The following NLGN1 variants were observed in gnomAD, a reference collection of about 807,000 sequenced individuals.
The protein encoded by NLGN1 is neuroligin-1.
A neutral mutation model predicts 65.5 loss-of-function variants in NLGN1; 12 were observed. The ratio of observed to expected loss-of-function variants is 0.18; its 90% CI spans 0.12 to 0.30. The LOEUF (loss-of-function observed/expected upper bound fraction) is 0.30, where lower values mean the gene tolerates loss of function less well. Ranked by LOEUF, NLGN1 falls within the 10% of genes least tolerant of loss-of-function variation. The pLI, the probability that NLGN1 is intolerant of heterozygous loss-of-function variation, is 1.00. For missense variants in NLGN1, 750 were observed against 1,007.1 expected (o/e 0.74, Z 3.46); for synonymous variants, 350 against 359.5 (o/e 0.97, Z 0.30).
At chr3:173,948,321 T>C (rs1045677866) in intron 4 of NLGN1, among the ~76,000 whole-genome samples, 2 of 152,234 alleles carry the variant, frequency 1.3e-5, no homozygotes, top group African/African-American at 4.8e-5. Flanking sequence ...ACAAGGCATG[T>C]AACTAAGCTG....
chr3:174,077,979 G>C (rs890072718), intron 4 of NLGN1, among the ~76,000 whole-genome samples: 1 of 152,118 alleles, frequency 6.6e-6, no homozygotes, highest in African/African-American at 2.4e-5. Context: ...TTTCCTGGGA[G>C]GTGGGGGAAC....
intron 4 of NLGN1, among the ~76,000 whole-genome samples, chr3:174,263,704 G>C (rs1446561453): frequency 2.0e-5 from 3 of 151,790 alleles, no homozygotes; most frequent in African/African-American, 7.3e-5. Context: ...ATATTGTTAT[G>C]TGTGAATTTG....
chr3:173,857,803 T>C (rs1325709691), intron 4 of NLGN1, among the ~76,000 whole-genome samples: 4 of 131,398 alleles, frequency 3.0e-5, no homozygotes, highest in Non-Finnish European at 4.9e-5. Context: ...TAAAAATTGC[T>C]ACTAGAATGA....
At chr3:173,907,880 C>G (rs768540953) in intron 4 of NLGN1, among the ~76,000 whole-genome samples, 2 of 151,748 alleles carry the variant, frequency 1.3e-5, no homozygotes, top group Admixed American at 1.3e-4. Flanking sequence ...CCACCACCCC[C>G]GGCTAATTTT....
chr3:173,631,334 G>T (rs951053612), intron 3 of NLGN1, among the ~76,000 whole-genome samples: 3 of 151,690 alleles, frequency 2.0e-5, no homozygotes, highest in African/African-American at 7.3e-5. Context: ...CTCTTTAAGG[G>T]TTGACTTTCC....
intron 3 of NLGN1, among the ~76,000 whole-genome samples, chr3:173,743,061 T>G (rs1774885805): frequency 6.6e-6 from 1 of 152,154 alleles, no homozygotes; most frequent in Non-Finnish European, 1.5e-5. Context: ...AATTATTCGC[T>G]TTCCTCAATA....
chr3:173,972,654 A>T (rs148121157), intron 4 of NLGN1, among the ~76,000 whole-genome samples: 108 of 152,196 alleles, frequency 7.1e-4, no homozygotes, highest in African/African-American at 2.5e-3. Context: ...GAGAAATTTG[A>T]CTTGATGAGC....
At chr3:174,139,250 A>G (rs1460046829) in intron 4 of NLGN1, among the ~76,000 whole-genome samples, 1 of 152,096 alleles carries the variant, frequency 6.6e-6, no homozygotes, top group African/African-American at 2.4e-5. Flanking sequence ...CGTCCTAAAA[A>G]TCTGTTGTAT....
intron 2 of NLGN1, among the ~76,000 whole-genome samples, chr3:173,556,242 CT>C (rs1412492629): frequency 5.3e-5 from 8 of 151,944 alleles, no homozygotes; most frequent in Non-Finnish European, 1.2e-4. Flanking sequence ...TTAAAAGAAA[CT>C]TTTGGTTTTG....
intron 3 of NLGN1, among the ~76,000 whole-genome samples, chr3:173,702,603 G>A (rs1767395062): frequency 6.6e-6 from 1 of 152,140 alleles, no homozygotes; most frequent in Non-Finnish European, 1.5e-5. Context: ...ATATGATTTT[G>A]AGCTGTTACT....
At chr3:173,557,019 T>G (rs943120382) in intron 2 of NLGN1, among the ~76,000 whole-genome samples, 2 of 122,938 alleles carry the variant, frequency 1.6e-5, no homozygotes, top group Admixed American at 1.6e-4. Flanking sequence ...ATTCAGATTT[T>G]CTGTAGGCAT....
intron 4 of NLGN1, among the ~76,000 whole-genome samples, chr3:173,980,561 T>G (rs1290568922): frequency 6.6e-6 from 1 of 152,134 alleles, no homozygotes; most frequent in African/African-American, 2.4e-5. Flanking sequence ...TAGTTCTTTC[T>G]TGTTGGATTG....
chr3:173,408,287 A>G (rs950680826), intron 1 of NLGN1, among the ~76,000 whole-genome samples: 2 of 152,090 alleles, frequency 1.3e-5, no homozygotes, highest in African/African-American at 2.4e-5. Context: ...CAGAATGCCT[A>G]TTTGCTTAAG....
At chr3:173,568,394 T>C (rs1335985311) in intron 2 of NLGN1, among the ~76,000 whole-genome samples, 4 of 151,706 alleles carry the variant, frequency 2.6e-5, no homozygotes, top group African/African-American at 7.3e-5. Context: ...CCACCAGGCC[T>C]GGCTAATTTT....
At chr3:173,913,165 G>A (rs1275380232) in intron 4 of NLGN1, among the ~76,000 whole-genome samples, 1 of 152,062 alleles carries the variant, frequency 6.6e-6, no homozygotes, top group Non-Finnish European at 1.5e-5. Context: ...CTGCCTCAAG[G>A]AAAAAACAGA....
intron 3 of NLGN1, among the ~76,000 whole-genome samples, chr3:173,624,463 T>G (rs1453618561): frequency 1.3e-5 from 2 of 152,134 alleles, no homozygotes; most frequent in Non-Finnish European, 2.9e-5. Flanking sequence ...CTGTTTTCCC[T>G]GTTTCCAAGA....
intron 4 of NLGN1, among the ~76,000 whole-genome samples, chr3:173,854,723 T>A (rs1356510196): frequency 6.6e-6 from 1 of 152,020 alleles, no homozygotes; most frequent in African/African-American, 2.4e-5. Context: ...GGGAAAACAG[T>A]ATTGGGGATT....
exon 3 of NLGN1, chr3:173,604,487 G>A (rs11718812): frequency 0.087 from 103,087 of 1,190,020 alleles, 5,301 homozygotes; most frequent in South Asian, 0.2. Context: ...TTCTCGACAA[G>A]CTCCCCTGTA....
intron 4 of NLGN1, among the ~76,000 whole-genome samples, chr3:173,827,756 CCAGA>C (rs1721656805): frequency 6.6e-6 from 1 of 151,552 alleles, no homozygotes; most frequent in African/African-American, 2.4e-5. Flanking sequence ...AGCTGGAGAA[CCAGA>C]CAGAGAAGCT....
Sources: allele counts gnomAD v4.1 joint callset (sites outside exome capture counted in the v4.1 genomes callset), GRCh38; gene constraint gnomAD v4.1.1; transcripts MANE v1.5; gene names NCBI Gene and HGNC (gene_info 2026-07-23, HGNC 2026-07-21).